Variants in KCNK9 observed in about 807,000 individuals in gnomAD.
KCNK9 encodes the protein potassium two pore domain channel subfamily K member 9.
In KCNK9, 1 loss-of-function variant was observed where a neutral mutation model predicts 10.8. That is an observed-to-expected ratio of 0.09 (90% CI 0.03 to 0.44). The LOEUF (loss-of-function observed/expected upper bound fraction) is 0.44, where lower values mean the gene tolerates loss of function less well. KCNK9 is among the 20% of genes least tolerant of loss of function. KCNK9 has a pLI of 0.97. For synonymous variants in KCNK9, 231 were observed against 222.7 expected, an observed-to-expected ratio of 1.04 and a Z score of -0.33; for missense variants, 303 against 515.0, an observed-to-expected ratio of 0.59 and a Z score of 3.98.
In KCNK9 at chr8:139,687,323, A is replaced by T. The variant is rs571584178; in HGVS notation, c.283+15387T>A. ...TTTGTTTGGTTTTTCTTAAGTTTTC[A>T]CTATGTAGATTTTCATACATATATA... On this transcript the variant is annotated intron_variant, in intron 1 of 1. Transcript: ENST00000520439. 9.8e-4 allele frequency among the ~76,000 whole-genome samples: 138 copies of T among 141,206 alleles called. 1 individual carries two copies. Among genetic ancestry groups the T allele is most frequent in the African/African-American group, 3.5e-3 (135 of 38,208 alleles). The allele number at this position is 141,206 out of a possible 152,430, so 92.6% of individuals were successfully genotyped here. A position where few individuals can be genotyped will look rare whatever the true frequency, so the allele number is the denominator to read the frequency against.
At chr8:139,689,997 T>C (rs1295286111) in intron 1 of KCNK9, among the ~76,000 whole-genome samples, 1 of 152,156 alleles carries the variant, frequency 6.6e-6, no homozygotes, top group East Asian at 1.9e-4. Flanking sequence ...GCTTCCCCCA[T>C]CAGCCTGCAG....
intron 1 of KCNK9, among the ~76,000 whole-genome samples, chr8:139,654,243 C>T (rs1031882287): frequency 3.9e-5 from 6 of 152,246 alleles, no homozygotes; most frequent in African/African-American, 1.4e-4. Context: ...TTAATACTTA[C>T]ATGGAAAACA....
At chr8:139,670,503 G>A (rs1301034407) in intron 1 of KCNK9, among the ~76,000 whole-genome samples, 1 of 152,226 alleles carries the variant, frequency 6.6e-6, no homozygotes, top group Non-Finnish European at 1.5e-5. Context: ...CATTGTGTTA[G>A]GTATTGGAAG....
intron 1 of KCNK9, among the ~76,000 whole-genome samples, chr8:139,629,102 G>A (rs1242177244): frequency 1.3e-5 from 2 of 152,240 alleles, no homozygotes; most frequent in Admixed American, 1.3e-4. Context: ...ACCCAGCCGA[G>A]ATTAAATGAA....
At position 139,702,660 on chromosome 8, in the gene KCNK9, C is replaced by CCCGGA. The variant is rs2129829595; in HGVS notation, c.283+45_283+49dup. ...CCGGCGCGGCGCGCTCAGCCGCCTCCCCGGACTCCTCCCGGGGCGCGGGAG... is the reference window on the plus strand; with the variant it reads ...CCGGCGCGGCGCGCTCAGCCGCCTCCCCGGACCGGACTCCTCCCGGGGCGCGGGAG... On this transcript the variant is annotated intron_variant, in intron 1 of 1. Coordinates refer to ENST00000520439, the MANE Select transcript of KCNK9 (RefSeq NM_001282534.2). This position sits in a 1 kb window ranked among gnomAD's most constrained non-coding sequence, Gnocchi z 7.5. 3 of 1,552,564 alleles carry CCCGGA rather than the reference C, an allele frequency of 1.9e-6. No individual in the cohort carries two copies. Among genetic ancestry groups the CCCGGA allele is most frequent in the Non-Finnish European group, 2.6e-6 (3 of 1,152,454 alleles).
At chr8:139,628,669 G>C (rs748288386) in intron 1 of KCNK9, among the ~76,000 whole-genome samples, 1 of 152,200 alleles carries the variant, frequency 6.6e-6, no homozygotes, top group African/African-American at 2.4e-5. Flanking sequence ...TTCCTCATAT[G>C]ATTTATTATT....
rs369297552 is a variant in KCNK9 at position 139,682,003 on chromosome 8, G to A, written c.283+20707C>T. ...ACGGGAACCAGACCAGGCCCTGCAG[G>A]TACCCTGGGATTTGGAGGAAGAACG... On this transcript the variant is annotated intron_variant, in intron 1 of 1. Transcript: ENST00000520439. 2.6e-5 allele frequency among the ~76,000 whole-genome samples: 4 copies of A among 152,290 alleles called. No individual in the cohort carries two copies. In the South Asian group the frequency reaches 8.3e-4, roughly 32 times the overall value.
chr8:139,612,093 A>G (rs1163304926), downstream of KCNK9: 1 of 152,218 alleles, frequency 6.6e-6, no homozygotes, highest in Non-Finnish European at 1.5e-5. Context: ...GGGTCAGGAG[A>G]CACCAAAAGG....
downstream of KCNK9, among the ~76,000 whole-genome samples, chr8:139,613,188 T>A (rs767632400): frequency 6.6e-6 from 1 of 152,212 alleles, no homozygotes; most frequent in Non-Finnish European, 1.5e-5. Flanking sequence ...GACGACACAT[T>A]GTCCAAACAT....
chr8:139,687,835 G>T (rs1282690748), intron 1 of KCNK9, among the ~76,000 whole-genome samples: 1 of 151,180 alleles, frequency 6.6e-6, no homozygotes, highest in Middle Eastern at 3.4e-3. Context: ...TGTGATTCAG[G>T]TTATTTTAAA....
chr8:139,665,780 C>T (rs1051270214), intron 1 of KCNK9, among the ~76,000 whole-genome samples: 4 of 152,226 alleles, frequency 2.6e-5, no homozygotes, highest in African/African-American at 9.6e-5. Context: ...AATGTGTACA[C>T]AGTGCCCTGG....
chr8:139,628,990 C>T (rs563760316), intron 1 of KCNK9, among the ~76,000 whole-genome samples: 74 of 152,286 alleles, frequency 4.9e-4, no homozygotes, highest in African/African-American at 1.7e-3. Flanking sequence ...GACCCAGCAC[C>T]GCTTGCAGTG....
intron 1 of KCNK9, among the ~76,000 whole-genome samples, chr8:139,688,774 A>T (rs906023512): frequency 6.6e-6 from 1 of 152,222 alleles, no homozygotes; most frequent in Admixed American, 6.5e-5. Context: ...ATAAACTCAG[A>T]TTCATACATT....
intron 1 of KCNK9, among the ~76,000 whole-genome samples, chr8:139,622,577 G>T (rs888491637): frequency 6.6e-6 from 1 of 152,180 alleles, no homozygotes; most frequent in Admixed American, 6.5e-5. Flanking sequence ...CATGTTAATA[G>T]CTCTCCACTG....
chr8:139,689,226 C>A (rs1816883685), intron 1 of KCNK9, among the ~76,000 whole-genome samples: 1 of 152,196 alleles, frequency 6.6e-6, no homozygotes, highest in Non-Finnish European at 1.5e-5. Context: ...GCTTAAGTCA[C>A]CCTGTCTTAC....
chr8:139,616,042 G>A (rs1194186121), downstream of KCNK9: 1 of 152,146 alleles, frequency 6.6e-6, no homozygotes, highest in African/African-American at 2.4e-5. Flanking sequence ...TCCAGACTGA[G>A]ACACCTGTCT....
chr8:139,611,849 C>T (rs1401745998), downstream of KCNK9: 1 of 152,242 alleles, frequency 6.6e-6, no homozygotes, highest in African/African-American at 2.4e-5. Context: ...GTTTCCACTT[C>T]AGCAAGTTAA....
intron 1 of KCNK9, among the ~76,000 whole-genome samples, chr8:139,667,882 A>G (rs1389662086): frequency 3.9e-5 from 3 of 77,530 alleles, no homozygotes; most frequent in Non-Finnish European, 6.4e-5. Context: ...CTCCGTCTTA[A>G]TAAAAAAAAA....
intron 2 of KCNK9, chr8:139,602,190 G>A (rs1451814438): frequency 6.6e-6 from 1 of 152,286 alleles, no homozygotes; most frequent in Non-Finnish European, 1.5e-5. Flanking sequence ...CCCACCCAGG[G>A]GACCAGGAAG....
Sources: allele counts gnomAD v4.1 joint callset (sites outside exome capture counted in the v4.1 genomes callset), GRCh38; gene constraint gnomAD v4.1.1; non-coding constraint Gnocchi (gnomAD v3.1); transcripts MANE v1.5; gene names NCBI Gene and HGNC (gene_info 2026-07-23, HGNC 2026-07-21).